Variants in DLG3 observed in about 807,000 individuals in gnomAD.
The protein encoded by DLG3 is discs large MAGUK scaffold protein 3, also known as disks large homolog 3.
In DLG3, 1 loss-of-function variant was observed where a neutral mutation model predicts 64.1. The ratio of observed to expected loss-of-function variants is 0.02; its 90% CI spans 0.01 to 0.07. The LOEUF is 0.07. Among genes scored for constraint, DLG3 ranks in the 10% least tolerant of loss-of-function variants. DLG3 has a pLI of 1.00. For synonymous variants in DLG3, 245 were observed against 259.8 expected, an observed-to-expected ratio of 0.94 and a Z score of 0.55; for missense variants, 429 against 669.5, an observed-to-expected ratio of 0.64 and a Z score of 3.96.
Position 70,454,291 on chromosome X carries a change from C to T in DLG3, c.1380C>T (p.Thr460=). 1 of 1,210,854 alleles carries T rather than the reference C, an allele frequency of 8.3e-7. No homozygotes were observed. The highest frequency in any genetic ancestry group is 1.1e-6 in the Non-Finnish European group (1 of 894,743). ...AALKRAGQSV[T]IVAQYRPEEY... ...TGAAACGGGCCGGCCAGTCAGTCAC[C>T]ATTGTGGCCCAGTACAGACCTGAAG... The change falls in exon 9 of 19, where the codon ACC becomes ACT. Residue 460 remains threonine, a synonymous_variant. Transcript: ENST00000374360.
At chrX:70,477,616 C>G (rs979903453) in intron 9 of DLG3, among the ~76,000 whole-genome samples, 3 of 111,391 alleles carry the variant, frequency 2.7e-5, no homozygotes, top group African/African-American at 9.8e-5. Context: ...CACCCCACCC[C>G]CCGCAACGTT....
At chrX:70,447,841 A>G (rs1345027208) in intron 1 of DLG3, among the ~76,000 whole-genome samples, 1 of 111,546 alleles carries the variant, frequency 9.0e-6, no homozygotes, top group Non-Finnish European at 1.9e-5. Flanking sequence ...CTGGGAGGCC[A>G]TCTCTGTGGG....
At chrX:70,481,195 G>T (rs1450638911) in intron 10 of DLG3, among the ~76,000 whole-genome samples, 1 of 111,186 alleles carries the variant, frequency 9.0e-6, no homozygotes. Context: ...TTTTGTTCCT[G>T]ATTTTGGCCC....
Position 70,452,873 on chromosome X carries a change from G to T in DLG3, c.1146-764G>T, listed in dbSNP as rs577605363. On this transcript the variant is annotated intron_variant, in intron 7 of 18. Transcript: ENST00000374360. ...GGGGCTTTGGGCTCCTCCGAGGAAAGATGCTTGTAACAAGTGAAGGCGGTG... is the reference window on the plus strand; with the variant it reads ...GGGGCTTTGGGCTCCTCCGAGGAAATATGCTTGTAACAAGTGAAGGCGGTG... 2.3e-5 allele frequency: 17 copies of T among 752,188 alleles called. No homozygotes were observed. In the South Asian group the frequency reaches 4.9e-4, roughly 21 times the overall value. 62.0% of individuals were successfully genotyped at this position (752,188 alleles called of 1,213,427 possible). A position where few individuals can be genotyped will look rare whatever the true frequency, so the allele number is the denominator to read the frequency against.
intron 9 of DLG3, among the ~76,000 whole-genome samples, chrX:70,468,386 C>T (rs2086918856): frequency 8.9e-6 from 1 of 111,850 alleles, no homozygotes; most frequent in African/African-American, 3.3e-5. Context: ...ATAGCATTTT[C>T]ACTCAGTAGC....
At chrX:70,455,163 G>C in intron 9 of DLG3, 1 of 747,312 alleles carries the variant, frequency 1.3e-6, no homozygotes, top group Non-Finnish European at 1.6e-6. Context: ...CCCTCCTCCC[G>C]CGCGCCCCGC....
At chrX:70,479,568 T>C (rs1029116449) in intron 10 of DLG3, among the ~76,000 whole-genome samples, 5 of 111,942 alleles carry the variant, frequency 4.5e-5, no homozygotes, top group Non-Finnish European at 9.4e-5. Flanking sequence ...TTCAAAGTAC[T>C]TTGCTTGCAA....
At chrX:70,485,490 G>C (rs2087238015) in intron 10 of DLG3, among the ~76,000 whole-genome samples, 1 of 111,620 alleles carries the variant, frequency 9.0e-6, no homozygotes, top group African/African-American at 3.3e-5. Flanking sequence ...TGGGTGAGGG[G>C]ACTGACGGAG....
rs2086569708 is a variant in DLG3 at position 70,446,469 on chromosome X, T to G, written c.357+911T>G. Among the ~76,000 whole-genome samples, 3 of 111,832 alleles carry G rather than the reference T, an allele frequency of 2.7e-5. No individual in the cohort carries two copies. The South Asian group carries it at 1.1e-3, about 42-fold the overall frequency. On this transcript the variant is annotated intron_variant, in intron 1 of 18. Coordinates refer to ENST00000374360, the MANE Select transcript of DLG3 (RefSeq NM_021120.4). Reference sequence around the variant, plus strand: ...AGATTTGAAGGAACTGAAGCAAGCCTCCTCGCTCTAGAGCAGGCATGGTGC... The same window carrying G: ...AGATTTGAAGGAACTGAAGCAAGCCGCCTCGCTCTAGAGCAGGCATGGTGC...
intron 10 of DLG3, among the ~76,000 whole-genome samples, chrX:70,488,137 G>A (rs775428865): frequency 1.4e-4 from 15 of 109,583 alleles, no homozygotes; most frequent in South Asian, 4.1e-4. Context: ...TCAGCCTCCC[G>A]AGTAACTGGG....
chrX:70,500,363 C>T, intron 16 of DLG3, 108 bp from the exon 17 acceptor site: 1 of 669,188 alleles, frequency 1.5e-6, no homozygotes, highest in East Asian at 3.5e-5. Flanking sequence ...GTGCCCCTCC[C>T]CTCACCCCCA....
At chrX:70,482,662 G>GTTTTTTTTCTTT (rs2087178800) in intron 10 of DLG3, among the ~76,000 whole-genome samples, 1 of 66,089 alleles carries the variant, frequency 1.5e-5, no homozygotes, top group Non-Finnish European at 2.7e-5. Flanking sequence ...CATGTGTGGT[G>GTTTTTTTTCTTT]TTTTTTTTTT....
Position 70,452,902 on chromosome X carries a change from C to T in DLG3, c.1146-735C>T, listed in dbSNP as rs766179537. ...CTTGTAACAAGTGAAGGCGGTGGGC[C>T]GGGAACGTGCCCTGGGAGTTGGGCG... On this transcript the variant is annotated intron_variant, in intron 7 of 18. Coordinates refer to ENST00000374360, the MANE Select transcript of DLG3 (RefSeq NM_021120.4). 21 of 542,107 alleles carry T rather than the reference C, an allele frequency of 3.9e-5. No homozygotes were observed. In the South Asian group the frequency reaches 5.0e-4, roughly 13 times the overall value. 44.7% of individuals were successfully genotyped at this position (542,107 alleles called of 1,213,427 possible).
chrX:70,473,595 A>AT (rs1168834944), intron 9 of DLG3, among the ~76,000 whole-genome samples: 59 of 108,944 alleles, frequency 5.4e-4, no homozygotes, highest in African/African-American at 1.8e-3. Flanking sequence ...ATTTTTTTTT[A>AT]TTTTTTTTTA....
chrX:70,453,625 C>G lies in DLG3; in HGVS notation c.1146-12C>G. 1.7e-6 allele frequency: 2 copies of G among 1,208,265 alleles called. No individual in the cohort carries two copies. The highest frequency in any genetic ancestry group is 2.2e-6 in the Non-Finnish European group (2 of 893,855). ...CTACCTAGTCCTGACTCCTCCACTC[C>G]TTTCCCACCAGAGAGCCTCGCAAGA... On this transcript the variant is annotated splice_polypyrimidine_tract_variant and intron_variant, in intron 7 of 18. Coordinates refer to ENST00000374360, the MANE Select transcript of DLG3 (RefSeq NM_021120.4).
chrX:70,445,920 G>A (rs2086562337), intron 1 of DLG3, among the ~76,000 whole-genome samples: 1 of 100,787 alleles, frequency 9.9e-6, no homozygotes, highest in African/African-American at 3.7e-5. Flanking sequence ...TGTCTCCACC[G>A]GAGGGGAGGG....
At chrX:70,460,516 G>A (rs755680683) in intron 9 of DLG3, among the ~76,000 whole-genome samples, 3 of 112,134 alleles carry the variant, frequency 2.7e-5, no homozygotes, top group Non-Finnish European at 5.6e-5. Flanking sequence ...TAGTAAACGT[G>A]TGCAGGCTTA....
Position 70,492,113 on chromosome X carries a change from G to A in DLG3, c.1527G>A (p.Leu509=). 1 of 1,180,929 alleles carries A rather than the reference G, an allele frequency of 8.5e-7. No individual in the cohort carries two copies. Among genetic ancestry groups the A allele is most frequent in the Non-Finnish European group, 1.1e-6 (1 of 880,098 alleles). The change falls in exon 11 of 19, where the codon CTG becomes CTA. Residue 509 remains leucine (L), a synonymous_variant. Coordinates refer to ENST00000374360, the MANE Select transcript of DLG3 (RefSeq NM_021120.4). The part of the protein sequence containing the change: ...SEKRSLYVRA[L]FDYDRTRDSC... ...CTTTCACTGTGCCTTTCAGGGCCCT[G>A]TTTGATTATGATCGGACTCGGGACA...
Position 70,445,027 on chromosome X carries a change from G to C in DLG3, c.-175G>C. On this transcript the variant is annotated 5_prime_UTR_variant, in exon 1 of 19. Transcript: ENST00000374360. ...TGGGGGCCGAGGCCCCGGGACGCCC[G>C]CCCGGCCCCAGGCCCCGCTCAGCCC... 3.5e-6 allele frequency: 1 copy of C among 289,758 alleles called. No individual in the cohort carries two copies. The highest frequency in any genetic ancestry group is 5.9e-6 in the Non-Finnish European group (1 of 170,687). The allele number at this position is 289,758 out of a possible 1,213,427, so 23.9% of individuals were successfully genotyped here. A position where few individuals can be genotyped will look rare whatever the true frequency, so the allele number is the denominator to read the frequency against.
Sources: allele counts gnomAD v4.1 joint callset (sites outside exome capture counted in the v4.1 genomes callset), GRCh38; gene constraint gnomAD v4.1.1; transcripts MANE v1.5; gene names NCBI Gene and HGNC (gene_info 2026-07-23, HGNC 2026-07-21).